The following ASIC2 variants were observed in gnomAD, a reference collection of about 807,000 sequenced individuals.
ASIC2 encodes acid-sensing ion channel 2.
ASIC2 carries 25 observed loss-of-function variants against 57.3 expected under a neutral mutation model. The ratio of observed to expected loss-of-function variants is 0.44; its 90% confidence interval spans 0.32 to 0.61. The LOEUF (loss-of-function observed/expected upper bound fraction) is 0.61, where lower values mean the gene tolerates loss of function less well. Ranked by LOEUF, ASIC2 falls within the 20% of genes least tolerant of loss-of-function variation. ASIC2 has a pLI of 0.06. For missense variants in ASIC2, 641 were observed against 738.1 expected (o/e 0.87, Z 1.52); for synonymous variants, 319 against 307.5 (o/e 1.04, Z -0.39).
chr17:33,485,159 A>G (rs536622664), intron 1 of ASIC2, among the ~76,000 whole-genome samples: 2 of 152,284 alleles, frequency 1.3e-5, no homozygotes, highest in African/African-American at 4.8e-5. Context: ...TCCAAGCAGC[A>G]TAGTTCTAAA....
At chr17:33,361,443 C>T (rs975346281) in intron 1 of ASIC2, among the ~76,000 whole-genome samples, 1 of 152,286 alleles carries the variant, frequency 6.6e-6, no homozygotes, top group African/African-American at 2.4e-5. Context: ...GCCTTATGCA[C>T]CTGCAACCTC....
At chr17:33,905,141 CTTTTTTTTTT>C (rs57064859) in intron 1 of ASIC2, among the ~76,000 whole-genome samples, 1 of 87,856 alleles carries the variant, frequency 1.1e-5, no homozygotes, top group South Asian at 4.5e-4. Flanking sequence ...TAGTTTAAGG[CTTTTTTTTTT>C]TTTTTTTTTT....
intron 1 of ASIC2, among the ~76,000 whole-genome samples, chr17:33,972,761 G>A (rs1312962891): frequency 6.6e-6 from 1 of 152,236 alleles, no homozygotes; most frequent in African/African-American, 2.4e-5. Flanking sequence ...CACTTTTGAT[G>A]AAGAATAAGC....
At chr17:33,197,734 G>A (rs1435105091) in intron 1 of ASIC2, among the ~76,000 whole-genome samples, 1 of 152,218 alleles carries the variant, frequency 6.6e-6, no homozygotes, top group African/African-American at 2.4e-5. Context: ...GACAATTCGG[G>A]AGAGCTGTGG....
intron 1 of ASIC2, among the ~76,000 whole-genome samples, chr17:33,555,604 C>G (rs1161703146): frequency 6.6e-6 from 1 of 152,076 alleles, no homozygotes; most frequent in African/African-American, 2.4e-5. Flanking sequence ...CATGAGTTAA[C>G]CCAACTCATG....
intron 1 of ASIC2, among the ~76,000 whole-genome samples, chr17:34,113,337 G>T (rs896417280): frequency 1.3e-5 from 2 of 152,186 alleles, no homozygotes; most frequent in African/African-American, 4.8e-5. Context: ...AAAGCAGGAG[G>T]ATTGCTTGAG....
At chr17:33,394,920 C>T (rs145337219) in intron 1 of ASIC2, among the ~76,000 whole-genome samples, 48 of 152,052 alleles carry the variant, frequency 3.2e-4, no homozygotes, top group African/African-American at 1.1e-3. Context: ...CATCCACCTA[C>T]ACACCCACTC....
intron 1 of ASIC2, among the ~76,000 whole-genome samples, chr17:33,959,332 A>C (rs11653843): frequency 0.3 from 46,038 of 152,030 alleles, 7,212 homozygotes; most frequent in Middle Eastern, 0.35. Context: ...ACCAATTTAC[A>C]GTATTAATCA....
intron 1 of ASIC2, among the ~76,000 whole-genome samples, chr17:33,824,305 G>T (rs1053555375): frequency 8.5e-5 from 13 of 152,162 alleles, no homozygotes; most frequent in African/African-American, 3.1e-4. Flanking sequence ...ACATCTGAAA[G>T]ATACATTGTG....
At chr17:34,022,171 T>C (rs969777703) in intron 1 of ASIC2, among the ~76,000 whole-genome samples, 1 of 152,212 alleles carries the variant, frequency 6.6e-6, no homozygotes, top group East Asian at 1.9e-4. Flanking sequence ...ACCACTTCCC[T>C]GGGGCTTTAT....
At chr17:33,132,617 T>G (rs575862563) in intron 1 of ASIC2, among the ~76,000 whole-genome samples, 1 of 152,284 alleles carries the variant, frequency 6.6e-6, no homozygotes, top group African/African-American at 2.4e-5. Context: ...TCATGCACAC[T>G]TGCGACCTAG....
intron 1 of ASIC2, among the ~76,000 whole-genome samples, chr17:33,930,634 G>A (rs1186731536): frequency 6.6e-6 from 1 of 152,230 alleles, no homozygotes; most frequent in African/African-American, 2.4e-5. Flanking sequence ...TAAAAGTGCT[G>A]AGAAGTACCA....
At chr17:33,765,291 G>A (rs915591393) in intron 1 of ASIC2, among the ~76,000 whole-genome samples, 2 of 151,852 alleles carry the variant, frequency 1.3e-5, no homozygotes, top group Non-Finnish European at 2.9e-5. Context: ...TGTATTTTTA[G>A]TAGAGACGGG....
chr17:33,243,161 A>G (rs1908572196), intron 1 of ASIC2, among the ~76,000 whole-genome samples: 1 of 152,216 alleles, frequency 6.6e-6, no homozygotes. Context: ...GAAGTTGTAC[A>G]TTGATGGACA....
intron 1 of ASIC2, among the ~76,000 whole-genome samples, chr17:33,852,481 A>G (rs960243829): frequency 6.6e-5 from 10 of 152,202 alleles, no homozygotes; most frequent in Non-Finnish European, 1.3e-4. Flanking sequence ...TGAAGGCACT[A>G]TGATGGATTT....
In ASIC2 at chr17:33,229,668, T is replaced by C. The variant is rs143426722; in HGVS notation, c.708+61740A>G. Among the ~76,000 whole-genome samples, 223 of 152,302 alleles carry C rather than the reference T, an allele frequency of 1.5e-3. 1 individual carries two copies. Among genetic ancestry groups the C allele is most frequent in the South Asian group, 9.5e-3 (46 of 4,818 alleles). ...GAAACGGTACAGCTCATTTCGGGAA[T>C]TGAAATATGGCCGGAGCCTGGGACG... On this transcript the variant is annotated intron_variant, in intron 1 of 9. Coordinates refer to ENST00000225823, the MANE Select transcript of ASIC2 (RefSeq NM_183377.2).
intron 1 of ASIC2, among the ~76,000 whole-genome samples, chr17:33,738,146 C>T (rs1346538392): frequency 1.3e-5 from 2 of 152,102 alleles, no homozygotes; most frequent in East Asian, 1.9e-4. Context: ...TCTTCTCAGG[C>T]CACTGGCATC....
chr17:33,344,145 A>G (rs775484106), intron 1 of ASIC2, among the ~76,000 whole-genome samples: 2 of 152,180 alleles, frequency 1.3e-5, no homozygotes, highest in Non-Finnish European at 2.9e-5. Context: ...GGCAGGGATC[A>G]TGTTTCAACC....
chr17:34,027,609 G>A (rs1261041836), intron 1 of ASIC2, among the ~76,000 whole-genome samples: 4 of 152,212 alleles, frequency 2.6e-5, no homozygotes, highest in African/African-American at 9.7e-5. Flanking sequence ...TACACTGCTA[G>A]TTCCCTTAGG....
Sources: allele counts gnomAD v4.1 joint callset (sites outside exome capture counted in the v4.1 genomes callset), GRCh38; gene constraint gnomAD v4.1.1; transcripts MANE v1.5; gene names NCBI Gene and HGNC (gene_info 2026-07-23, HGNC 2026-07-21).